The following SRGAP3 variants were observed in gnomAD, a reference collection of about 807,000 sequenced individuals.
SRGAP3 encodes SLIT-ROBO Rho GTPase activating protein 3.
A neutral mutation model predicts 121.1 loss-of-function variants in SRGAP3; 39 were observed. That is an observed-to-expected ratio of 0.32 (90% CI 0.25 to 0.42). The LOEUF is 0.42. Among genes scored for constraint, SRGAP3 ranks in the 10% least tolerant of loss-of-function variants. SRGAP3 has a pLI of 1.00. For missense variants in SRGAP3, 1,213 were observed against 1,470.6 expected (o/e 0.82, Z 2.86); for synonymous variants, 601 against 570.0 (o/e 1.05, Z -0.77).
chr3:9,272,894 T>C (rs943281801), intron 3 of SRGAP3, among the ~76,000 whole-genome samples: 3 of 152,196 alleles, frequency 2.0e-5, no homozygotes, highest in African/African-American at 4.8e-5. Context: ...TTTCAATTTC[T>C]CCACTTCCTC....
intron 1 of SRGAP3, among the ~76,000 whole-genome samples, chr3:9,143,394 C>T (rs1435094157): frequency 2.6e-5 from 4 of 152,196 alleles, no homozygotes; most frequent in Admixed American, 2.0e-4. Flanking sequence ...CTAACTTCCA[C>T]TGCACTGCCT....
chr3:9,070,997 A>G (rs1053555321), intron 4 of SRGAP3, among the ~76,000 whole-genome samples: 15 of 152,180 alleles, frequency 9.9e-5, no homozygotes, highest in African/African-American at 3.6e-4. Flanking sequence ...CACTGCAGGA[A>G]GAGTAGCTGT....
Position 9,060,309 on chromosome 3 carries a change from A to C in SRGAP3, c.723T>G (p.Asn241Lys). The change falls in exon 6 of 22, where the codon AAT becomes AAG. Residue 241 changes from asparagine to lysine, a missense_variant. Physicochemically the swap from Asn to Lys is moderately conservative, Grantham distance 94. Around this residue, in one of 2 missense-constraint regions of SRGAP3, gnomAD observed 793 missense variants for 1,032.9 expected, o/e 0.77. Transcript: ENST00000383836. ...TGGCTGCCAGATTGAGCAAGTAGTC[A>C]TTCCGGGCCTTTGTGCATTTCAGCT... is the stretch of plus-strand genomic sequence containing the variant. Reference protein sequence around the residue: ...ENKLKCTKARNDYLLNLAATN... With the variant: ...ENKLKCTKARKDYLLNLAATN... 1 of 1,614,130 alleles carries C rather than the reference A, an allele frequency of 6.2e-7. No individual in the cohort carries two copies. The highest frequency in any genetic ancestry group is 8.5e-7 in the Non-Finnish European group (1 of 1,180,030).
chr3:9,015,771 G>C, intron 14 of SRGAP3, 40 bp from the exon 15 acceptor site: 1 of 1,612,842 alleles, frequency 6.2e-7, no homozygotes, highest in Non-Finnish European at 8.5e-7. Context: ...TTCAGCTTGG[G>C]AAGGAGTCAG....
rs372954485 is a variant in SRGAP3, at chr3:8,995,621, G to A, written c.2228-1098C>T. On this transcript the variant is annotated intron_variant, in intron 18 of 21. Transcript: ENST00000383836. The stretch of plus-strand genomic sequence containing the variant: ...GGGATGCGTCCAGAGAAGAGACGTT[G>A]AACTGCAGAGAGTTTAAGTGTTTTA... Among the ~76,000 whole-genome samples, 79 of 152,308 alleles carry A rather than the reference G, an allele frequency of 5.2e-4. No homozygotes were observed. In the South Asian group the frequency reaches 8.9e-3, roughly 17 times the overall value.
intron 16 of SRGAP3, 71 bp from the exon 17 acceptor site, chr3:9,013,606 G>A: frequency 1.3e-6 from 2 of 1,581,252 alleles, no homozygotes; most frequent in East Asian, 4.5e-5. Context: ...TTTTCTTTTG[G>A]GGGACCCTAT....
chr3:9,195,810 G>GCC (rs1337080792), intron 1 of SRGAP3, among the ~76,000 whole-genome samples: 1 of 152,064 alleles, frequency 6.6e-6, no homozygotes. Context: ...AAAAAAATTA[G>GCC]CCAGGAGTGC....
At chr3:9,021,207 C>T (rs767382153) in intron 14 of SRGAP3, among the ~76,000 whole-genome samples, 43 of 152,196 alleles carry the variant, frequency 2.8e-4, no homozygotes, top group Non-Finnish European at 5.3e-4. Context: ...CGTGGCATGG[C>T]TTTAGCCCCA....
At chr3:9,202,775 T>A (rs1037041320) in intron 1 of SRGAP3, among the ~76,000 whole-genome samples, 2 of 152,134 alleles carry the variant, frequency 1.3e-5, no homozygotes, top group African/African-American at 2.4e-5. Flanking sequence ...CCTGCTGGAG[T>A]CCATGCCCCA....
intron 3 of SRGAP3, among the ~76,000 whole-genome samples, chr3:9,300,131 T>C (rs967515894): frequency 1.0e-3 from 6 of 5,766 alleles, no homozygotes; most frequent in Non-Finnish European, 1.6e-3. Flanking sequence ...AAGTGCTCTA[T>C]ATGTGTTAGC....
intron 3 of SRGAP3, among the ~76,000 whole-genome samples, chr3:9,094,484 T>C (rs1336750990): frequency 6.6e-6 from 1 of 152,162 alleles, no homozygotes; most frequent in Non-Finnish European, 1.5e-5. Flanking sequence ...TTGGGTTATA[T>C]TTAGAAGTAA....
intron 3 of SRGAP3, among the ~76,000 whole-genome samples, chr3:9,302,519 G>C (rs1955078757): frequency 6.6e-6 from 1 of 152,192 alleles, no homozygotes; most frequent in Non-Finnish European, 1.5e-5. Context: ...GGAGGTAAGA[G>C]GCAAATGGGA....
chr3:9,241,723 A>C (rs544090487), intron 1 of SRGAP3, among the ~76,000 whole-genome samples: 31 of 152,234 alleles, frequency 2.0e-4, no homozygotes, highest in African/African-American at 7.5e-4. Flanking sequence ...GGAGGTGATT[A>C]AGGTTAGATA....
chr3:9,164,032 T>C (rs1403112264), intron 1 of SRGAP3, among the ~76,000 whole-genome samples: 1 of 144,970 alleles, frequency 6.9e-6, no homozygotes. Context: ...AGTTTCACTC[T>C]TGTTGCCCAG....
At chr3:9,321,076 G>A (rs1575002067) in intron 3 of SRGAP3, among the ~76,000 whole-genome samples, 1 of 151,834 alleles carries the variant, frequency 6.6e-6, no homozygotes, top group African/African-American at 2.4e-5. Context: ...CTCCTGAGAT[G>A]CCAGCTTTTG....
At chr3:9,336,775 A>C (rs1342679358) in intron 1 of SRGAP3, among the ~76,000 whole-genome samples, 1 of 152,202 alleles carries the variant, frequency 6.6e-6, no homozygotes, top group Non-Finnish European at 1.5e-5. Context: ...TACTTTAAAC[A>C]GCCTTGAAGA....
At chr3:9,087,858 A>G (rs970756245) in intron 3 of SRGAP3, among the ~76,000 whole-genome samples, 3 of 152,094 alleles carry the variant, frequency 2.0e-5, no homozygotes, top group African/African-American at 7.2e-5. Flanking sequence ...GGGTTCTTGT[A>G]TCTCTTCCCC....
At chr3:9,142,036 A>T (rs1949872340) in intron 1 of SRGAP3, among the ~76,000 whole-genome samples, 1 of 152,246 alleles carries the variant, frequency 6.6e-6, no homozygotes, top group Non-Finnish European at 1.5e-5. Flanking sequence ...CGATCCAGTA[A>T]GGCTATTTCA....
intron 18 of SRGAP3, among the ~76,000 whole-genome samples, chr3:9,000,925 C>T (rs1286897127): frequency 6.6e-6 from 1 of 152,232 alleles, no homozygotes; most frequent in African/African-American, 2.4e-5. Context: ...ACCAAAACCA[C>T]TGTCATCCCA....
Sources: allele counts gnomAD v4.1 joint callset (sites outside exome capture counted in the v4.1 genomes callset), GRCh38; gene constraint gnomAD v4.1.1; regional missense constraint gnomAD v4.1.1; transcripts MANE v1.5; gene names NCBI Gene and HGNC (gene_info 2026-07-23, HGNC 2026-07-21).